TOX: variants seen among roughly 807,000 people sequenced by gnomAD.
TOX encodes the protein thymocyte selection-associated high mobility group box protein TOX.
A neutral mutation model predicts 53.7 loss-of-function variants in TOX; 11 were observed. The observed-to-expected ratio is 0.20, with a 90% CI of 0.13 to 0.34. The LOEUF is 0.34. Among genes scored for constraint, TOX ranks in the 10% least tolerant of loss-of-function variants. The pLI is 1.00. For missense variants in TOX, 570 were observed against 664.6 expected, an observed-to-expected ratio of 0.86 and a Z score of 1.56; for synonymous variants, 225 against 245.3, an observed-to-expected ratio of 0.92 and a Z score of 0.77.
chr8:58,863,548 G>A (rs1237208714), intron 3 of TOX, among the ~76,000 whole-genome samples: 3 of 152,104 alleles, frequency 2.0e-5, no homozygotes, highest in South Asian at 2.1e-4. Context: ...GTCACAGGGC[G>A]CCTGATCTCA....
chr8:58,997,262 T>C (rs1813577246), intron 1 of TOX, among the ~76,000 whole-genome samples: 1 of 150,410 alleles, frequency 6.6e-6, no homozygotes, highest in Non-Finnish European at 1.5e-5. Context: ...GGGGGCTTAC[T>C]GTGAAAGTTA....
At chr8:58,867,033 T>C (rs1213076908) in intron 3 of TOX, among the ~76,000 whole-genome samples, 1 of 152,194 alleles carries the variant, frequency 6.6e-6, no homozygotes, top group Admixed American at 6.5e-5. Flanking sequence ...TAGAGCCTAT[T>C]ATAGGAGAAC....
chr8:58,836,071 G>T (rs1017790819), intron 5 of TOX, among the ~76,000 whole-genome samples: 1 of 152,180 alleles, frequency 6.6e-6, no homozygotes, highest in African/African-American at 2.4e-5. Context: ...CAAAGTTTAT[G>T]GTACTGAAGC....
chr8:58,887,514 T>C (rs925294803), intron 3 of TOX, among the ~76,000 whole-genome samples: 1 of 151,940 alleles, frequency 6.6e-6, no homozygotes, highest in Non-Finnish European at 1.5e-5. Flanking sequence ...AATTATATTT[T>C]TATAGAATTT....
chr8:58,819,525 A>AG (rs1226956385), intron 6 of TOX, among the ~76,000 whole-genome samples: 1 of 152,248 alleles, frequency 6.6e-6, no homozygotes, highest in African/African-American at 2.4e-5. Flanking sequence ...TCGTGGCCAT[A>AG]GAGACATTTT....
At chr8:58,998,527 ATATAT>A (rs1187631399) in intron 1 of TOX, among the ~76,000 whole-genome samples, 4 of 40,222 alleles carry the variant, frequency 9.9e-5, no homozygotes, top group African/African-American at 1.3e-4. Flanking sequence ...ATATATATAT[ATATAT>A]ATATATAAAT....
chr8:58,908,221 C>A (rs771441808), intron 3 of TOX, among the ~76,000 whole-genome samples: 1 of 152,134 alleles, frequency 6.6e-6, no homozygotes, highest in African/African-American at 2.4e-5. Flanking sequence ...TAAAATCCTT[C>A]ATCATAGAAC....
chr8:59,107,378 C>T lies in TOX; in HGVS notation c.102+11508G>A, dbSNP rs184931403. Among the ~76,000 whole-genome samples, 6 of 152,194 alleles carry T rather than the reference C, an allele frequency of 3.9e-5. No individual in the cohort carries two copies. In the East Asian group the frequency reaches 1.2e-3, roughly 29 times the overall value. ...CCCTTCATAATAGCATATTAGTGTG[C>T]TTTAAAGCCATAAATCCATAAAAAC... is the stretch of plus-strand genomic sequence containing the variant. On this transcript the variant is annotated intron_variant, in intron 1 of 8. Coordinates refer to ENST00000361421, the MANE Select transcript of TOX (RefSeq NM_014729.3).
At chr8:58,849,459 G>A (rs1287668017) in intron 4 of TOX, among the ~76,000 whole-genome samples, 1 of 152,252 alleles carries the variant, frequency 6.6e-6, no homozygotes, top group East Asian at 1.9e-4. Context: ...GATTGAATAG[G>A]ATACCCACTG....
At chr8:59,000,914 T>C (rs1487423271) in intron 1 of TOX, among the ~76,000 whole-genome samples, 2 of 152,116 alleles carry the variant, frequency 1.3e-5, no homozygotes, top group Non-Finnish European at 2.9e-5. Flanking sequence ...GGCAATTCAG[T>C]TATGAAATTT....
chr8:58,828,995 T>C (rs1378610060), intron 5 of TOX, among the ~76,000 whole-genome samples: 2 of 152,198 alleles, frequency 1.3e-5, no homozygotes, highest in Non-Finnish European at 2.9e-5. Flanking sequence ...CCCATTCAGC[T>C]AACTAGGATG....
chr8:58,910,134 G>A (rs1357959658), intron 3 of TOX, among the ~76,000 whole-genome samples: 1 of 152,080 alleles, frequency 6.6e-6, no homozygotes, highest in Non-Finnish European at 1.5e-5. Flanking sequence ...ACACAAATTT[G>A]AATCAGGAAC....
chr8:58,901,256 T>C (rs1446115165), intron 3 of TOX, among the ~76,000 whole-genome samples: 1 of 152,126 alleles, frequency 6.6e-6, no homozygotes, highest in Non-Finnish European at 1.5e-5. Flanking sequence ...ATGAGACAAA[T>C]AAATGCACTT....
At chr8:59,019,632 T>C (rs1814084271) in intron 1 of TOX, among the ~76,000 whole-genome samples, 1 of 152,176 alleles carries the variant, frequency 6.6e-6, no homozygotes, top group Admixed American at 6.5e-5. Context: ...AAAACAAAAA[T>C]ATAATTTAAT....
intron 1 of TOX, among the ~76,000 whole-genome samples, chr8:58,981,921 G>A (rs1029359042): frequency 3.3e-5 from 5 of 151,966 alleles, no homozygotes; most frequent in Admixed American, 2.0e-4. Context: ...ACCCCCTTAA[G>A]CCTACAAAAA....
intron 3 of TOX, among the ~76,000 whole-genome samples, chr8:58,918,732 G>C (rs1246988207): frequency 4.3e-5 from 3 of 69,436 alleles, no homozygotes; most frequent in Admixed American, 1.8e-4. Flanking sequence ...AGGAAATAAA[G>C]GGTATTCAAT....
chr8:58,967,458 GC>G (rs961587076), intron 1 of TOX, among the ~76,000 whole-genome samples: 6 of 152,098 alleles, frequency 3.9e-5, no homozygotes, highest in Non-Finnish European at 8.8e-5. Context: ...TCTGACCTTT[GC>G]TTCCAGGAAC....
intron 2 of TOX, among the ~76,000 whole-genome samples, chr8:58,950,385 A>G (rs1812602137): frequency 6.6e-6 from 1 of 152,192 alleles, no homozygotes; most frequent in Admixed American, 6.5e-5. Flanking sequence ...ACCAGAGCTA[A>G]CAGAAAGCCT....
At chr8:59,082,364 C>T (rs1478242999) in intron 1 of TOX, among the ~76,000 whole-genome samples, 2 of 152,206 alleles carry the variant, frequency 1.3e-5, no homozygotes, top group African/African-American at 4.8e-5. Context: ...GCCTTGAGGC[C>T]ATGAGATGGG....
Sources: gnomAD v4.1 joint callset for allele counts (sites outside exome capture counted in the v4.1 genomes callset) on GRCh38, gnomAD v4.1.1 for gene constraint, MANE v1.5 for transcripts, NCBI Gene and HGNC (gene_info 2026-07-23, HGNC 2026-07-21) for gene names.